Variants in PPP1R9A observed in about 807,000 individuals in gnomAD.
PPP1R9A encodes neurabin-1.
PPP1R9A carries 59 observed loss-of-function variants against 141.9 expected under a neutral mutation model. That is an observed-to-expected ratio of 0.42 (90% confidence interval 0.34 to 0.52). The LOEUF (loss-of-function observed/expected upper bound fraction) is 0.52. Ranked by LOEUF, PPP1R9A falls within the 20% of genes least tolerant of loss-of-function variation. The probability of loss-of-function intolerance (pLI) is 0.10; values close to 1 mark genes in which losing one functional copy is unlikely to be tolerated. For missense variants in PPP1R9A, 1,444 were observed against 1,611.9 expected, an observed-to-expected ratio of 0.90 and a Z score of 1.78; for synonymous variants, 500 against 569.7, an observed-to-expected ratio of 0.88 and a Z score of 1.74.
chr7:95,144,252 C>T (rs1257060864), intron 4 of PPP1R9A, among the ~76,000 whole-genome samples: 4 of 152,160 alleles, frequency 2.6e-5, no homozygotes, highest in African/African-American at 9.7e-5. Context: ...CAGAATTTGT[C>T]TGTGTCTGAC....
intron 4 of PPP1R9A, among the ~76,000 whole-genome samples, chr7:95,160,723 A>G (rs1830357999): frequency 6.6e-6 from 1 of 151,978 alleles, no homozygotes; most frequent in Non-Finnish European, 1.5e-5. Flanking sequence ...TGCCGCCTTT[A>G]TGTCCATGAG....
intron 5 of PPP1R9A, chr7:95,176,552 G>C (rs1049669490): frequency 6.6e-6 from 1 of 151,590 alleles, no homozygotes; most frequent in Non-Finnish European, 1.5e-5. Flanking sequence ...ATTCATATTA[G>C]TTATTAAGCT....
chr7:94,942,425 C>A (rs909129053), intron 2 of PPP1R9A, among the ~76,000 whole-genome samples: 2 of 152,098 alleles, frequency 1.3e-5, no homozygotes, highest in Non-Finnish European at 2.9e-5. Flanking sequence ...GGCCCCTAGG[C>A]CAAATCTAGA....
intron 2 of PPP1R9A, among the ~76,000 whole-genome samples, chr7:95,025,100 C>T (rs922654882): frequency 1.3e-5 from 2 of 151,546 alleles, no homozygotes; most frequent in Non-Finnish European, 2.9e-5. Flanking sequence ...GATGGAGTCT[C>T]GCTGTCACCT....
At chr7:95,284,475 A>G (rs1478543133) in intron 17 of PPP1R9A, 145 bp downstream of exon 17, 1 of 857,286 alleles carries the variant, frequency 1.2e-6, no homozygotes, top group Non-Finnish European at 1.7e-6. Flanking sequence ...ATTGCTATTT[A>G]ATCTCAGTTT....
At chr7:95,175,584 T>A (rs1832782289) in intron 5 of PPP1R9A, among the ~76,000 whole-genome samples, 2 of 152,080 alleles carry the variant, frequency 1.3e-5, no homozygotes, top group African/African-American at 2.4e-5. Context: ...GATTTTTTTT[T>A]AACTCCAGAC....
rs138597868 is a variant in PPP1R9A, at chr7:94,961,167, A to G, written c.1395+49659A>G. 3.6e-3 allele frequency among the ~76,000 whole-genome samples: 550 copies of G among 151,526 alleles called. 3 individuals carry two copies. Among genetic ancestry groups the G allele is most frequent in the African/African-American group, 0.012 (517 of 41,368 alleles). ...TGTTCTCTTCTCCTTCCTCTGCTTT[A>G]TAAGAAAACAAGACTGGTTAATAAA... On this transcript the variant is annotated intron_variant, in intron 2 of 19. Coordinates refer to ENST00000433360, the MANE Select transcript of PPP1R9A (RefSeq NM_001166160.2).
At chr7:95,127,499 T>C (rs1301722194) in intron 4 of PPP1R9A, among the ~76,000 whole-genome samples, 4 of 117,710 alleles carry the variant, frequency 3.4e-5, no homozygotes, top group African/African-American at 1.1e-4. Context: ...TGTCTTCTTT[T>C]TTTCTTTCTT....
chr7:94,947,908 G>A (rs1242174356), intron 2 of PPP1R9A, among the ~76,000 whole-genome samples: 1 of 152,086 alleles, frequency 6.6e-6, no homozygotes, highest in Non-Finnish European at 1.5e-5. Flanking sequence ...GACACTTATA[G>A]CCAAGTAGTC....
In PPP1R9A at chr7:95,277,374, A is replaced by G. The variant is rs531670856; in HGVS notation, c.3296+3206A>G. On this transcript the variant is annotated intron_variant, in intron 16 of 19. Coordinates refer to ENST00000433360, the MANE Select transcript of PPP1R9A (RefSeq NM_001166160.2). ...ATAAACAAATAAACCCAACAAAGAA[A>G]TATGACTTGGTTCCATCCCTTTTCA... Among the ~76,000 whole-genome samples the G allele has an allele frequency of 4.6e-5, 7 of 152,338 alleles. 1 individual carries two copies. In the South Asian group the frequency reaches 1.4e-3, roughly 32 times the overall value.
chr7:95,272,299 A>C (rs987218944), intron 14 of PPP1R9A, among the ~76,000 whole-genome samples: 4 of 152,310 alleles, frequency 2.6e-5, no homozygotes, highest in East Asian at 1.9e-4. Flanking sequence ...AGAATTTGGC[A>C]CTTTCTTTTC....
intron 2 of PPP1R9A, among the ~76,000 whole-genome samples, chr7:94,965,039 T>G (rs1251413861): frequency 6.6e-6 from 1 of 152,212 alleles, no homozygotes; most frequent in Admixed American, 6.5e-5. Context: ...AGATGGTATC[T>G]CATTGTGGTT....
intron 5 of PPP1R9A, among the ~76,000 whole-genome samples, chr7:95,171,540 T>G (rs1310215511): frequency 6.6e-6 from 1 of 151,588 alleles, no homozygotes; most frequent in Non-Finnish European, 1.5e-5. Flanking sequence ...CTTTAAGGAT[T>G]AACCAATATT....
At chr7:95,106,894 G>A (rs1584718034) in intron 2 of PPP1R9A, among the ~76,000 whole-genome samples, 1 of 151,856 alleles carries the variant, frequency 6.6e-6, no homozygotes, top group Non-Finnish European at 1.5e-5. Flanking sequence ...CTGCCTCCCA[G>A]GTTCAAGCAA....
chr7:95,059,502 G>A (rs2152064525), intron 2 of PPP1R9A, among the ~76,000 whole-genome samples: 1 of 152,310 alleles, frequency 6.6e-6, no homozygotes, highest in South Asian at 2.1e-4. Context: ...GACTTTAGAA[G>A]GCCTTGAGTC....
chr7:95,108,396 C>T (rs1183031711), intron 2 of PPP1R9A, among the ~76,000 whole-genome samples: 6 of 139,656 alleles, frequency 4.3e-5, no homozygotes, highest in Non-Finnish European at 6.1e-5. Context: ...CTGCAATCTC[C>T]GCCTCCTGGG....
At chr7:94,935,307 C>T (rs554518072) in intron 2 of PPP1R9A, among the ~76,000 whole-genome samples, 26 of 152,244 alleles carry the variant, frequency 1.7e-4, no homozygotes, top group Admixed American at 1.4e-3. Flanking sequence ...CACCAGTGAA[C>T]CAAGGACTTT....
intron 14 of PPP1R9A, among the ~76,000 whole-genome samples, chr7:95,270,421 G>T (rs937764815): frequency 6.6e-6 from 1 of 152,068 alleles, no homozygotes; most frequent in African/African-American, 2.4e-5. Context: ...AGGAGTTGGC[G>T]ATTTTCTGAA....
At chr7:95,162,692 A>G (rs530887626) in intron 5 of PPP1R9A, among the ~76,000 whole-genome samples, 2 of 152,362 alleles carry the variant, frequency 1.3e-5, no homozygotes, top group Non-Finnish European at 2.9e-5. Context: ...AGTATGTGTA[A>G]TGATGAAAAT....
Sources: allele counts gnomAD v4.1 joint callset (sites outside exome capture counted in the v4.1 genomes callset), GRCh38; gene constraint gnomAD v4.1.1; transcripts MANE v1.5; gene names NCBI Gene and HGNC (gene_info 2026-07-23, HGNC 2026-07-21).